The following ANXA4 variants were observed in gnomAD, a reference collection of about 807,000 sequenced individuals.
ANXA4 encodes annexin A4, also known as 35-beta calcimedin.
Under a neutral mutation model 49.8 loss-of-function variants are expected in ANXA4, and 39 were observed. That is an observed-to-expected ratio of 0.78 (90% CI 0.61 to 1.02). The LOEUF (loss-of-function observed/expected upper bound fraction) is 1.02. Ranked by LOEUF, ANXA4 falls within the 50% of genes least tolerant of loss-of-function variation. The pLI is 0.00. For synonymous variants in ANXA4, 134 were observed against 152.5 expected (o/e 0.88, Z 0.89); for missense variants, 360 against 410.1 (o/e 0.88, Z 1.05).
At chr2:69,711,602 T>C (rs74486906) in intron 2 of ANXA4, among the ~76,000 whole-genome samples, 316 of 152,342 alleles carry the variant, frequency 2.1e-3, no homozygotes, top group African/African-American at 7.4e-3. Flanking sequence ...TGTATGACTG[T>C]ATACATTTGT....
chr2:69,715,257 T>A (rs1255815672), intron 2 of ANXA4, among the ~76,000 whole-genome samples: 1 of 152,218 alleles, frequency 6.6e-6, no homozygotes, highest in African/African-American at 2.4e-5. Context: ...TCACCCAGGC[T>A]GGAGTGCAGT....
intron 12 of ANXA4, 93 bp from the exon 13 acceptor site, chr2:69,825,363 C>T: frequency 9.9e-7 from 1 of 1,007,982 alleles, no homozygotes. Flanking sequence ...TAAGAAAAAT[C>T]CAGCCAAGCT....
chr2:69,779,096 A>ACAC (rs1177601634), intron 1 of ANXA4, among the ~76,000 whole-genome samples: 6 of 136,156 alleles, frequency 4.4e-5, no homozygotes, highest in African/African-American at 1.7e-4. Flanking sequence ...CAACAGAGCA[A>ACAC]CACTCTGCCT....
At chr2:69,792,881 G>A (rs968925870) in intron 3 of ANXA4, among the ~76,000 whole-genome samples, 1 of 151,306 alleles carries the variant, frequency 6.6e-6, no homozygotes, top group African/African-American at 2.4e-5. Context: ...ATAGTTAGGG[G>A]CTTGGTTGCT....
chr2:69,747,266 G>A (rs1477072294), intron 1 of ANXA4, among the ~76,000 whole-genome samples: 1 of 152,116 alleles, frequency 6.6e-6, no homozygotes, highest in Non-Finnish European at 1.5e-5. Context: ...TAATATAAAG[G>A]GGCCCTGTGA....
At chr2:69,660,775 GGAGAGAGAGA>G (rs60225306) in intron 2 of ANXA4, among the ~76,000 whole-genome samples, 2 of 145,730 alleles carry the variant, frequency 1.4e-5, no homozygotes, top group East Asian at 2.0e-4. Flanking sequence ...AGGGAGGGAG[GGAGAGAGAGA>G]GAGAGAGAGA....
At chr2:69,714,908 C>T (rs962438475) in intron 2 of ANXA4, among the ~76,000 whole-genome samples, 3 of 152,210 alleles carry the variant, frequency 2.0e-5, no homozygotes, top group Non-Finnish European at 2.9e-5. Context: ...TGAAGCCTAA[C>T]GCAAGGTCCT....
chr2:69,789,866 ATCT>A (rs1407795864), intron 3 of ANXA4, among the ~76,000 whole-genome samples: 4 of 152,080 alleles, frequency 2.6e-5, no homozygotes, highest in Admixed American at 6.5e-5. Flanking sequence ...GTTCCCACAC[ATCT>A]TCTTGCAGCT....
At chr2:69,747,076 A>G (rs780525518) in intron 1 of ANXA4, among the ~76,000 whole-genome samples, 3 of 152,038 alleles carry the variant, frequency 2.0e-5, no homozygotes, top group Non-Finnish European at 4.4e-5. Flanking sequence ...GAAGAAACAC[A>G]CAGAACAAGC....
chr2:69,688,742 GTTATTT>G (rs1559080768), intron 2 of ANXA4, among the ~76,000 whole-genome samples: 1 of 152,134 alleles, frequency 6.6e-6, no homozygotes, highest in Non-Finnish European at 1.5e-5. Flanking sequence ...AATTGCTATT[GTTATTT>G]TTATTAATAT....
intron 4 of ANXA4, among the ~76,000 whole-genome samples, chr2:69,804,829 TG>T (rs1673371285): frequency 6.6e-6 from 1 of 152,044 alleles, no homozygotes; most frequent in African/African-American, 2.4e-5. Context: ...GTGGATCACT[TG>T]AGGCCAGGAG....
chr2:69,806,368 A>T lies in ANXA4; in HGVS notation c.193-17A>T. On this transcript the variant is annotated splice_polypyrimidine_tract_variant and intron_variant, in intron 4 of 12. Transcript: ENST00000394295. The stretch of plus-strand genomic sequence containing the variant: ...TTTGCTATAGCAGTTAAGCGGAGCT[A>T]CTTTCTTGCATTGCAGGACTTGATA... 6.3e-7 allele frequency: 1 copy of T among 1,582,714 alleles called. No individual in the cohort carries two copies. The highest frequency in any genetic ancestry group is 8.7e-7 in the Non-Finnish European group (1 of 1,151,382).
At position 69,748,921 on chromosome 2, in the gene ANXA4, C is replaced by T. The variant is rs187980150; in HGVS notation, c.-47+6746C>T. On this transcript the variant is annotated intron_variant, in intron 1 of 12. Transcript: ENST00000394295. ...AGAGACGAAGTTTTGCCATGTTGCCCAGGCTGGTTTCCAACTCCTGGGCTC... is the reference window on the plus strand; with the variant it reads ...AGAGACGAAGTTTTGCCATGTTGCCTAGGCTGGTTTCCAACTCCTGGGCTC... Among the ~76,000 whole-genome samples the T allele has an allele frequency of 3.3e-5, 5 of 152,166 alleles. No homozygotes were observed. The East Asian group carries it at 9.7e-4, about 29-fold the overall frequency.
At chr2:69,690,073 C>T (rs1458596654) in intron 2 of ANXA4, among the ~76,000 whole-genome samples, 1 of 152,088 alleles carries the variant, frequency 6.6e-6, no homozygotes, top group African/African-American at 2.4e-5. Flanking sequence ...TTCTTTTTTA[C>T]AGCTGTGTAG....
At chr2:69,740,826 C>A (rs2105465049), upstream of ANXA4, among the ~76,000 whole-genome samples, 1 of 148,386 alleles carries the variant, frequency 6.7e-6, no homozygotes, top group East Asian at 2.0e-4. Flanking sequence ...GGACTACAGG[C>A]GCATGCCACC....
At chr2:69,648,070 T>C (rs145400814) in intron 1 of ANXA4, among the ~76,000 whole-genome samples, 56 of 152,374 alleles carry the variant, frequency 3.7e-4, no homozygotes, top group African/African-American at 1.3e-3. Flanking sequence ...CCCAGTGTGC[T>C]GTATCTTTGA....
intron 1 of ANXA4, among the ~76,000 whole-genome samples, chr2:69,751,507 CAAA>C (rs71397349): frequency 1.9e-3 from 182 of 96,826 alleles, no homozygotes; most frequent in African/African-American, 5.8e-3. Context: ...GACCCTGTCT[CAAA>C]AAAAAAAAAA....
chr2:69,672,815 G>A (rs1355973452), intron 2 of ANXA4, among the ~76,000 whole-genome samples: 1 of 151,834 alleles, frequency 6.6e-6, no homozygotes, highest in Non-Finnish European at 1.5e-5. Context: ...AACAATTAAG[G>A]GAACACACTA....
At chr2:69,710,398 CT>C (rs1678639929) in intron 2 of ANXA4, among the ~76,000 whole-genome samples, 1 of 152,082 alleles carries the variant, frequency 6.6e-6, no homozygotes, top group Admixed American at 6.6e-5. Context: ...CATTAAATGG[CT>C]GTAAAATATC....
Sources: allele counts gnomAD v4.1 joint callset (sites outside exome capture counted in the v4.1 genomes callset), GRCh38; gene constraint gnomAD v4.1.1; transcripts MANE v1.5; gene names NCBI Gene and HGNC (gene_info 2026-07-23, HGNC 2026-07-21).